HPSE2: variants seen among roughly 807,000 people sequenced by gnomAD.
The protein encoded by HPSE2 is inactive heparanase-2.
HPSE2 carries 38 observed loss-of-function variants against 60.5 expected under a neutral mutation model. The ratio of observed to expected loss-of-function variants is 0.63; its 90% CI spans 0.48 to 0.82. HPSE2 has a LOEUF of 0.82. Among genes scored for constraint, HPSE2 ranks in the 40% least tolerant of loss-of-function variants. The probability of loss-of-function intolerance (pLI) is 0.00; values close to 1 mark genes in which losing one functional copy is unlikely to be tolerated. For synonymous variants in HPSE2, 295 were observed against 293.2 expected (o/e 1.01, Z -0.06); for missense variants, 713 against 740.4 (o/e 0.96, Z 0.43).
At chr10:98,595,425 C>T (rs1589473615) in intron 9 of HPSE2, among the ~76,000 whole-genome samples, 1 of 152,172 alleles carries the variant, frequency 6.6e-6, no homozygotes, top group Admixed American at 6.5e-5. Flanking sequence ...CCGCCTCAGC[C>T]TCCCAAAGTG....
chr10:98,684,795 C>CA (rs1232605293), intron 6 of HPSE2, among the ~76,000 whole-genome samples: 6 of 151,548 alleles, frequency 4.0e-5, no homozygotes. Context: ...AAATTATAAA[C>CA]AAAAATGTAT....
chr10:98,954,835 T>A (rs1955462402), intron 3 of HPSE2, among the ~76,000 whole-genome samples: 1 of 151,950 alleles, frequency 6.6e-6, no homozygotes, highest in Non-Finnish European at 1.5e-5. Flanking sequence ...TATGTGATAG[T>A]GAAACTACCA....
At chr10:99,064,024 C>T (rs775917110) in intron 3 of HPSE2, among the ~76,000 whole-genome samples, 32 of 152,038 alleles carry the variant, frequency 2.1e-4, no homozygotes, top group Non-Finnish European at 4.1e-4. Context: ...ACCAGGGAGT[C>T]GGAGGTTGCA....
At chr10:98,611,382 G>A (rs1945754262) in intron 9 of HPSE2, among the ~76,000 whole-genome samples, 1 of 152,184 alleles carries the variant, frequency 6.6e-6, no homozygotes, top group African/African-American at 2.4e-5. Context: ...CTGGGCAGGG[G>A]GAGGGGTAAA....
In HPSE2 at chr10:98,937,272, G is replaced by C. The variant is rs998156797; in HGVS notation, c.611-193216C>G. Among the ~76,000 whole-genome samples the C allele has an allele frequency of 1.2e-4, 18 of 144,446 alleles. 3 individuals are homozygous for C. The highest frequency in any genetic ancestry group is 4.8e-4 in the African/African-American group (17 of 35,686). The allele number at this position is 144,446 out of a possible 152,430, so 94.8% of individuals were successfully genotyped here. A position where few individuals can be genotyped will look rare whatever the true frequency, so the allele number is the denominator to read the frequency against. On this transcript the variant is annotated intron_variant, in intron 3 of 11. Transcript: ENST00000370552. ...TGCAGCGCACCGTGCGCAAGCTGAA[G>C]CAGGGCAAGGCATTGCCTCACTCAG...
At chr10:98,681,631 A>T (rs1016363640) in intron 6 of HPSE2, among the ~76,000 whole-genome samples, 2 of 152,204 alleles carry the variant, frequency 1.3e-5, no homozygotes. Context: ...AGGATATTCA[A>T]ATACACCTCT....
chr10:98,788,702 G>C (rs113899271), intron 3 of HPSE2, among the ~76,000 whole-genome samples: 1 of 151,898 alleles, frequency 6.6e-6, no homozygotes, highest in African/African-American at 2.4e-5. Flanking sequence ...GGAGTGACCC[G>C]ATTTTCCAGG....
In HPSE2 at chr10:98,459,668, G is replaced by C; in HGVS notation, c.1685C>G (p.Pro562Arg). Reference sequence around the variant, plus strand: ...GACCAATGTCCGGCCGGCCCGAAGGGGGCGGGGCTTCAATTCTGGGAGGGT... The same window carrying C: ...GACCAATGTCCGGCCGGCCCGAAGGCGGCGGGGCTTCAATTCTGGGAGGGT... ...DGTLPELKPR[P>R]LRAGRTLVIP... is the part of the protein sequence containing the mutation. The change falls in exon 12 of 12, where the codon CCC (proline) becomes CGC (arginine). Residue 562 changes from proline (P) to arginine (R), a missense_variant. Physicochemically the swap from Pro to Arg is moderately radical, Grantham distance 103. Coordinates refer to ENST00000370552, the MANE Select transcript of HPSE2 (RefSeq NM_021828.5). The C allele has an allele frequency of 6.2e-7, 1 of 1,614,160 alleles. No individual in the cohort carries two copies. The highest frequency in any genetic ancestry group is 8.5e-7 in the Non-Finnish European group (1 of 1,180,032).
At chr10:98,548,674 G>T (rs1943769139) in intron 9 of HPSE2, among the ~76,000 whole-genome samples, 1 of 152,034 alleles carries the variant, frequency 6.6e-6, no homozygotes, top group African/African-American at 2.4e-5. Flanking sequence ...CTTGGGGTAA[G>T]GGGAACAAGT....
intron 9 of HPSE2, among the ~76,000 whole-genome samples, chr10:98,571,287 T>G (rs776001911): frequency 3.9e-5 from 6 of 152,100 alleles, no homozygotes; most frequent in Non-Finnish European, 7.4e-5. Context: ...GAGTATCGCT[T>G]GAGGTCAGGA....
At chr10:99,118,021 C>T (rs1844778199) in intron 3 of HPSE2, among the ~76,000 whole-genome samples, 1 of 152,120 alleles carries the variant, frequency 6.6e-6, no homozygotes, top group South Asian at 2.1e-4. Context: ...TTATCCACCA[C>T]ATCAAAAAGC....
chr10:98,880,618 C>T (rs1422926671), intron 3 of HPSE2, among the ~76,000 whole-genome samples: 3 of 151,980 alleles, frequency 2.0e-5, no homozygotes, highest in African/African-American at 7.2e-5. Flanking sequence ...TCCATATGCC[C>T]TGCTTCCTTT....
At chr10:99,048,410 G>A (rs1474704272) in intron 3 of HPSE2, 6 of 263,582 alleles carry the variant, frequency 2.3e-5, no homozygotes, top group African/African-American at 1.2e-4. Context: ...ATTCAAAAAG[G>A]GGCAAAGGAC....
At chr10:98,898,898 A>G (rs1953576985) in intron 3 of HPSE2, among the ~76,000 whole-genome samples, 1 of 152,230 alleles carries the variant, frequency 6.6e-6, no homozygotes, top group South Asian at 2.1e-4. Context: ...TGGAGAAAGA[A>G]TAGTTTGCTC....
intron 5 of HPSE2, among the ~76,000 whole-genome samples, chr10:98,699,672 T>G (rs796940758): frequency 7.9e-6 from 1 of 126,516 alleles, no homozygotes; most frequent in African/African-American, 2.7e-5. Flanking sequence ...AAATAAAGGG[T>G]ATTCAATTAG....
chr10:99,052,070 A>G (rs545237496), intron 3 of HPSE2, among the ~76,000 whole-genome samples: 2 of 152,194 alleles, frequency 1.3e-5, no homozygotes, highest in Admixed American at 6.5e-5. Context: ...GTGACCCATA[A>G]TTAAAAGAAA....
rs1330126008 is a variant in HPSE2, at chr10:99,210,853, TGAG to T, written c.448+21492_448+21494del. On this transcript the variant is annotated intron_variant, in intron 2 of 11. Transcript: ENST00000370552. ...AAAGTCGAAAGCTCTTCTGCTAAGA[TGAG>T]GAATAAGATAAAGATGCCCTCTCTC... Among the ~76,000 whole-genome samples the T allele has an allele frequency of 4.4e-4, 67 of 152,278 alleles. 1 individual carries two copies. The highest frequency in any genetic ancestry group is 1.2e-4 in the Non-Finnish European group (8 of 67,998).
intron 3 of HPSE2, among the ~76,000 whole-genome samples, chr10:98,754,773 T>C (rs1241450922): frequency 6.7e-6 from 1 of 149,582 alleles, no homozygotes. Context: ...AGGTGCCCAA[T>C]CCAGCCAAAC....
intron 3 of HPSE2, among the ~76,000 whole-genome samples, chr10:99,017,833 T>C (rs1445512166): frequency 6.6e-6 from 1 of 152,178 alleles, no homozygotes; most frequent in Non-Finnish European, 1.5e-5. Context: ...ATGCTTTCAA[T>C]ACACATTTTT....
Sources: allele counts gnomAD v4.1 joint callset (sites outside exome capture counted in the v4.1 genomes callset), GRCh38; gene constraint gnomAD v4.1.1; transcripts MANE v1.5; gene names NCBI Gene and HGNC (gene_info 2026-07-23, HGNC 2026-07-21).